The following UNC80 variants were observed in gnomAD, a reference collection of about 807,000 sequenced individuals.
UNC80 encodes the protein protein unc-80 homolog.
In UNC80, 164 loss-of-function variants were observed where a neutral mutation model predicts 384.6. That is an observed-to-expected ratio of 0.43 (90% CI 0.38 to 0.49). UNC80 has a LOEUF of 0.49. UNC80 is among the 20% of genes least tolerant of loss of function. The pLI, the probability that UNC80 is intolerant of heterozygous loss-of-function variation, is 0.00. For synonymous variants in UNC80, 1,486 were observed against 1,527.8 expected, an observed-to-expected ratio of 0.97 and a Z score of 0.64; for missense variants, 3,330 against 4,143.0, an observed-to-expected ratio of 0.80 and a Z score of 5.39.
chr2:209,809,141 C>G (rs894662055), intron 7 of UNC80: 1 of 591,318 alleles, frequency 1.7e-6, no homozygotes, highest in Non-Finnish European at 3.1e-6. Context: ...ACTTCAGCTT[C>G]TTCCTTGGAG....
In UNC80 at chr2:209,998,141, A is replaced by G. The variant is rs2093509768; in HGVS notation, c.*2546A>G. 1 of 152,208 alleles carries G rather than the reference A, an allele frequency of 6.6e-6. No homozygotes were observed. Among genetic ancestry groups the G allele is most frequent in the South Asian group, 2.1e-4 (1 of 4,832 alleles). The allele number at this position is 152,208 out of a possible 1,614,324, so 9.4% of individuals were successfully genotyped here. On this transcript the variant is annotated 3_prime_UTR_variant, in exon 65 of 65. Coordinates refer to ENST00000673920, the MANE Select transcript of UNC80 (RefSeq NM_001371986.1). ...AAAACAAAAAAGGTACCCACTTCCC[A>G]TGTAGAAAAAATTAGACTCAGCAAA...
At chr2:209,964,555 G>A (rs1013114475) in intron 51 of UNC80, among the ~76,000 whole-genome samples, 1 of 152,048 alleles carries the variant, frequency 6.6e-6, no homozygotes, top group Admixed American at 6.5e-5. Context: ...TTGGGAGGAC[G>A]AGTTGGGCAG....
chr2:209,897,508 A>G (rs2086919416), intron 28 of UNC80, among the ~76,000 whole-genome samples: 2 of 152,118 alleles, frequency 1.3e-5, no homozygotes, highest in Non-Finnish European at 2.9e-5. Context: ...CTCCTTCACA[A>G]TGGCCTGGTC....
rs753328739 is a variant in UNC80, at chr2:209,880,014, A to G, written c.3977-947A>G. Among the ~76,000 whole-genome samples the G allele has an allele frequency of 6.3e-4, 96 of 152,334 alleles. 1 individual carries two copies. Among genetic ancestry groups the G allele is most frequent in the Non-Finnish European group, 4.6e-4 (31 of 68,030 alleles). Reference sequence around the variant, plus strand: ...GATATTTTTAGGACTGTTCATATGTAATGATATTGTGATTGCTTGATGACT... The same window carrying G: ...GATATTTTTAGGACTGTTCATATGTGATGATATTGTGATTGCTTGATGACT... On this transcript the variant is annotated intron_variant, in intron 24 of 64. Coordinates refer to ENST00000673920, the MANE Select transcript of UNC80 (RefSeq NM_001371986.1).
intron 29 of UNC80, among the ~76,000 whole-genome samples, chr2:209,912,025 T>C (rs1175619101): frequency 6.6e-6 from 1 of 152,202 alleles, no homozygotes; most frequent in Non-Finnish European, 1.5e-5. Context: ...TATGAACTCA[T>C]GCTTCCTTGA....
intron 35 of UNC80, among the ~76,000 whole-genome samples, chr2:209,925,118 C>A (rs2090326638): frequency 6.6e-6 from 1 of 151,296 alleles, no homozygotes; most frequent in African/African-American, 2.4e-5. Context: ...TTTTTTAATA[C>A]ATGCTCCTCA....
chr2:209,938,383 T>C (rs955435276), intron 42 of UNC80, among the ~76,000 whole-genome samples: 1 of 152,196 alleles, frequency 6.6e-6, no homozygotes, highest in African/African-American at 2.4e-5. Flanking sequence ...TCTGTACATA[T>C]CAAGGATAAT....
chr2:209,794,207 T>C (rs2078012599), intron 7 of UNC80, among the ~76,000 whole-genome samples: 1 of 152,242 alleles, frequency 6.6e-6, no homozygotes, highest in Non-Finnish European at 1.5e-5. Context: ...TTTATACCGC[T>C]AGATCCTTGT....
chr2:209,914,984 T>C (rs2089356922), intron 31 of UNC80, among the ~76,000 whole-genome samples: 1 of 152,144 alleles, frequency 6.6e-6, no homozygotes, highest in African/African-American at 2.4e-5. Context: ...AAAATATCTT[T>C]GTTCACATTA....
At chr2:209,854,197 T>G (rs761437295) in intron 22 of UNC80, among the ~76,000 whole-genome samples, 1 of 151,800 alleles carries the variant, frequency 6.6e-6, no homozygotes, top group Non-Finnish European at 1.5e-5. Flanking sequence ...AGAGGAAATA[T>G]CTTATGATTC....
intron 27 of UNC80, 96 bp from the exon 28 acceptor site, chr2:209,896,217 G>C: frequency 9.2e-7 from 1 of 1,092,342 alleles, no homozygotes; most frequent in Non-Finnish European, 1.4e-6. Flanking sequence ...ATGGTAGTCT[G>C]CCCTAGGATT....
At chr2:209,966,336 G>A (rs1335909490) in intron 51 of UNC80, among the ~76,000 whole-genome samples, 3 of 152,096 alleles carry the variant, frequency 2.0e-5, no homozygotes, top group East Asian at 1.9e-4. Context: ...AATCAAGCTC[G>A]AATCATACAG....
intron 7 of UNC80, among the ~76,000 whole-genome samples, chr2:209,806,522 T>C (rs2078910947): frequency 6.6e-6 from 1 of 152,242 alleles, no homozygotes; most frequent in South Asian, 2.1e-4. Context: ...TGAATGAGGT[T>C]TTCTCTCTGC....
At chr2:209,909,541 A>G (rs2088665617) in intron 29 of UNC80, among the ~76,000 whole-genome samples, 1 of 152,264 alleles carries the variant, frequency 6.6e-6, no homozygotes, top group Admixed American at 6.5e-5. Flanking sequence ...AAATTTCAAG[A>G]TGGCATCATT....
intron 61 of UNC80, among the ~76,000 whole-genome samples, chr2:209,991,294 G>A (rs1187255816): frequency 6.6e-6 from 1 of 152,112 alleles, no homozygotes; most frequent in Non-Finnish European, 1.5e-5. Flanking sequence ...AATATTCTCT[G>A]GGGCACAGGA....
intron 10 of UNC80, among the ~76,000 whole-genome samples, chr2:209,817,573 C>T (rs2079832044): frequency 6.6e-6 from 1 of 151,972 alleles, no homozygotes. Context: ...AGCTGGGCCA[C>T]AACAGACGGT....
intron 16 of UNC80, 35 bp downstream of exon 16, chr2:209,831,626 C>T (rs2080975146): frequency 6.7e-7 from 1 of 1,493,280 alleles, no homozygotes; most frequent in Admixed American, 2.4e-5. Context: ...CAGGAGCTCT[C>T]AGTCTCTGCC....
At chr2:209,813,450 A>G (rs545414018) in intron 7 of UNC80, 130 bp from the exon 8 acceptor site, 2 of 965,796 alleles carry the variant, frequency 2.1e-6, no homozygotes, top group Admixed American at 5.7e-5. Flanking sequence ...AGGATATTAG[A>G]GTAAACTACG....
chr2:209,881,636 C>CACACAA, intron 25 of UNC80, among the ~76,000 whole-genome samples: 1 of 152,194 alleles, frequency 6.6e-6, no homozygotes, highest in Non-Finnish European at 1.5e-5. Context: ...CACACACACA[C>CACACAA]ACACACACAC....
Sources: allele counts gnomAD v4.1 joint callset (sites outside exome capture counted in the v4.1 genomes callset), GRCh38; gene constraint gnomAD v4.1.1; transcripts MANE v1.5; gene names NCBI Gene and HGNC (gene_info 2026-07-23, HGNC 2026-07-21).